EBF2: variants seen among roughly 807,000 people sequenced by gnomAD.
EBF2 encodes EBF transcription factor 2.
EBF2 carries 21 observed loss-of-function variants against 72.8 expected under a neutral mutation model. That is an observed-to-expected ratio of 0.29 (90% confidence interval 0.20 to 0.42). The LOEUF (loss-of-function observed/expected upper bound fraction) is 0.42, where lower values mean the gene tolerates loss of function less well. Ranked by LOEUF, EBF2 falls within the 10% of genes least tolerant of loss-of-function variation. The pLI, the probability that EBF2 is intolerant of heterozygous loss-of-function variation, is 1.00. For synonymous variants in EBF2, 299 were observed against 274.2 expected, an observed-to-expected ratio of 1.09 and a Z score of -0.89; for missense variants, 637 against 731.2, an observed-to-expected ratio of 0.87 and a Z score of 1.49.
chr8:25,921,352 G>A (rs1221749665), intron 6 of EBF2, among the ~76,000 whole-genome samples: 1 of 151,960 alleles, frequency 6.6e-6, no homozygotes, highest in Non-Finnish European at 1.5e-5. Flanking sequence ...AAACCTAGAT[G>A]ATATAAAAGA....
chr8:25,844,687 G>A (rs781303090), intron 15 of EBF2, 47 bp from the exon 16 acceptor site: 3 of 1,611,128 alleles, frequency 1.9e-6, no homozygotes, highest in Admixed American at 1.7e-5. Flanking sequence ...GACTTTTTAT[G>A]TTCAAGGCTA....
chr8:25,952,331 C>T lies in EBF2; in HGVS notation c.552-43776G>A, dbSNP rs138991669. 8.6e-3 allele frequency among the ~76,000 whole-genome samples: 1,307 copies of T among 151,954 alleles called. 12 individuals carry two copies. Among genetic ancestry groups the T allele is most frequent in the African/African-American group, 0.028 (1,170 of 41,446 alleles). ...TGTTGGCCTACTGTAATTATTTACACATTTTTATTTTTTGTTGGCCTATTG... is the reference window on the plus strand; with the variant it reads ...TGTTGGCCTACTGTAATTATTTACATATTTTTATTTTTTGTTGGCCTATTG... On this transcript the variant is annotated intron_variant, in intron 6 of 15. Coordinates refer to ENST00000520164, the MANE Select transcript of EBF2 (RefSeq NM_022659.4).
At chr8:26,019,296 C>CA (rs10644837) in intron 6 of EBF2, among the ~76,000 whole-genome samples, 10,437 of 137,070 alleles carry the variant, frequency 0.076, 752 homozygotes, top group African/African-American at 0.19. Context: ...CTGTAAAACT[C>CA]AAAAAAAAAA....
intron 10 of EBF2, among the ~76,000 whole-genome samples, chr8:25,874,803 G>A (rs1025506425): frequency 1.3e-5 from 2 of 151,330 alleles, no homozygotes; most frequent in African/African-American, 2.4e-5. Flanking sequence ...CTCCCACCTT[G>A]GGCTCCCAAG....
intron 6 of EBF2, among the ~76,000 whole-genome samples, chr8:25,946,936 C>G (rs1042787156): frequency 1.2e-4 from 18 of 152,206 alleles, no homozygotes; most frequent in African/African-American, 4.3e-4. Flanking sequence ...TTTTTTGTGA[C>G]TAGCACAGCT....
chr8:25,974,923 A>G (rs1563197332), intron 6 of EBF2, among the ~76,000 whole-genome samples: 1 of 152,128 alleles, frequency 6.6e-6, no homozygotes, highest in East Asian at 1.9e-4. Flanking sequence ...ATCCAGAACA[A>G]TCAAGCTACC....
At chr8:25,855,351 CT>C (rs1802066623) in intron 14 of EBF2, among the ~76,000 whole-genome samples, 1 of 152,146 alleles carries the variant, frequency 6.6e-6, no homozygotes, top group Non-Finnish European at 1.5e-5. Flanking sequence ...TGAGCTGGAA[CT>C]TGGCACACTG....
At chr8:26,030,894 C>A (rs1805390818) in intron 6 of EBF2, among the ~76,000 whole-genome samples, 1 of 152,162 alleles carries the variant, frequency 6.6e-6, no homozygotes, top group African/African-American at 2.4e-5. Flanking sequence ...ATATGAAAAT[C>A]TTTTCTTTCT....
At chr8:25,959,346 A>G (rs1803997997) in intron 6 of EBF2, among the ~76,000 whole-genome samples, 1 of 152,110 alleles carries the variant, frequency 6.6e-6, no homozygotes, top group African/African-American at 2.4e-5. Flanking sequence ...CTGGGATTAC[A>G]GGCGCCCACC....
At chr8:25,929,585 A>C (rs943203903) in intron 6 of EBF2, among the ~76,000 whole-genome samples, 2 of 152,072 alleles carry the variant, frequency 1.3e-5, no homozygotes, top group Non-Finnish European at 2.9e-5. Flanking sequence ...ATCTTCCTTA[A>C]TAAACATGTG....
Position 26,042,134 on chromosome 8 carries a change from G to A in EBF2, c.249C>T (p.Ile83=), listed in dbSNP as rs1433687920. ...CAAAGTCCACGAAGGCCGTCCGCTC[G>A]ATCTCCACCGGCTGGCCCTGCCTGT... is the stretch of plus-strand genomic sequence containing the variant. The part of the protein sequence containing the change: ...LYDRQGQPVE[I]ERTAFVDFVE... Residue 83 remains isoleucine (I), a synonymous_variant, in exon 2 of 16, where the codon ATC becomes ATT. Coordinates refer to ENST00000520164, the MANE Select transcript of EBF2 (RefSeq NM_022659.4). 6.2e-7 allele frequency: 1 copy of A among 1,614,134 alleles called. No individual in the cohort carries two copies. The highest frequency in any genetic ancestry group is 1.1e-5 in the South Asian group (1 of 91,084).
At chr8:25,852,716 T>TA (rs1265896948) in intron 14 of EBF2, among the ~76,000 whole-genome samples, 2 of 152,220 alleles carry the variant, frequency 1.3e-5, no homozygotes, top group African/African-American at 4.8e-5. Flanking sequence ...AAATATTTCT[T>TA]ACAACAATTT....
chr8:25,987,258 A>T (rs1257050882), intron 6 of EBF2, among the ~76,000 whole-genome samples: 1 of 152,204 alleles, frequency 6.6e-6, no homozygotes. Context: ...TTTTTATATT[A>T]AATAAAATAA....
intron 7 of EBF2, among the ~76,000 whole-genome samples, chr8:25,898,037 T>C (rs1277804935): frequency 2.0e-5 from 3 of 152,162 alleles, no homozygotes; most frequent in South Asian, 2.1e-4. Flanking sequence ...TGGAAGTTTA[T>C]AGGAAACATT....
chr8:25,876,117 A>G (rs776255112), intron 10 of EBF2, among the ~76,000 whole-genome samples: 2 of 152,228 alleles, frequency 1.3e-5, no homozygotes, highest in Non-Finnish European at 2.9e-5. Context: ...TTGCAGGGAC[A>G]TGGATGAAGC....
Position 26,033,154 on chromosome 8 carries a change from CTGTAGAT to C in EBF2, c.483-8_483-2del, listed in dbSNP as rs1563214560. 6.2e-7 allele frequency: 1 copy of C among 1,614,054 alleles called. No individual in the cohort carries two copies. ...ACAGCTTTTCTTTTCGCAGCATCGA[CTGTAGAT>C]TGGGAAGGAACCAAGAGTGAAAGAA... is the stretch of plus-strand genomic sequence containing the variant. On this transcript the variant is annotated splice_acceptor_variant and splice_polypyrimidine_tract_variant and intron_variant, in intron 5 of 15. Coordinates refer to ENST00000520164, the MANE Select transcript of EBF2 (RefSeq NM_022659.4). LOFTEE classifies it high-confidence loss of function.
intron 6 of EBF2, among the ~76,000 whole-genome samples, chr8:25,935,734 T>A (rs1445241732): frequency 6.6e-6 from 1 of 152,204 alleles, no homozygotes; most frequent in African/African-American, 2.4e-5. Flanking sequence ...TCTCCAGCCC[T>A]GCCCCAATCT....
chr8:25,918,652 A>G (rs1563400332), intron 6 of EBF2, among the ~76,000 whole-genome samples: 1 of 152,186 alleles, frequency 6.6e-6, no homozygotes, highest in Non-Finnish European at 1.5e-5. Flanking sequence ...TGGAAAGAAC[A>G]TGTGTGAAAA....
chr8:26,010,364 A>G (rs1282434923), intron 6 of EBF2, among the ~76,000 whole-genome samples: 5 of 152,258 alleles, frequency 3.3e-5, no homozygotes, highest in African/African-American at 9.6e-5. Context: ...ATCAGGGCGA[A>G]CCACTGCTGA....
Sources: allele counts gnomAD v4.1 joint callset (sites outside exome capture counted in the v4.1 genomes callset), GRCh38; gene constraint gnomAD v4.1.1; transcripts MANE v1.5; gene names NCBI Gene and HGNC (gene_info 2026-07-23, HGNC 2026-07-21).